Variants in THRB observed in about 807,000 individuals in gnomAD.
The protein encoded by THRB is thyroid hormone receptor beta.
THRB carries 12 observed loss-of-function variants against 47.8 expected under a neutral mutation model. The ratio of observed to expected loss-of-function variants is 0.25; its 90% CI spans 0.16 to 0.41. THRB has a LOEUF of 0.41. THRB is among the 10% of genes least tolerant of loss of function. The pLI is 1.00. For synonymous variants in THRB, 218 were observed against 212.2 expected (o/e 1.03, Z -0.24); for missense variants, 348 against 589.2 (o/e 0.59, Z 4.24).
intron 1 of THRB, among the ~76,000 whole-genome samples, chr3:24,447,087 A>G (rs1262996127): frequency 1.3e-5 from 2 of 152,170 alleles, no homozygotes; most frequent in Non-Finnish European, 2.9e-5. Flanking sequence ...GTAGATGAAA[A>G]CTATTTAGCA....
intron 2 of THRB, among the ~76,000 whole-genome samples, chr3:24,310,388 T>G (rs2057671226): frequency 1.3e-5 from 2 of 152,202 alleles, no homozygotes; most frequent in Non-Finnish European, 2.9e-5. Flanking sequence ...TTCCCTTTAA[T>G]TCAAAATCTT....
chr3:24,293,587 G>C (rs1397720577), intron 3 of THRB, among the ~76,000 whole-genome samples: 6 of 152,126 alleles, frequency 3.9e-5, no homozygotes, highest in Non-Finnish European at 8.8e-5. Context: ...TTTTTATTCT[G>C]TTACAAAGGT....
chr3:24,229,075 A>G, intron 3 of THRB, 74 bp from the exon 4 acceptor site: 2 of 896,426 alleles, frequency 2.2e-6, no homozygotes, highest in Non-Finnish European at 1.9e-6. Flanking sequence ...TCCAAACAAT[A>G]TCATATGCAT....
chr3:24,477,442 C>A (rs1219017972), intron 1 of THRB, among the ~76,000 whole-genome samples: 1 of 152,072 alleles, frequency 6.6e-6, no homozygotes, highest in African/African-American at 2.4e-5. Context: ...GCAAATGAAT[C>A]CCCTGGGGAC....
At chr3:24,358,492 A>C (rs1577078353) in intron 1 of THRB, among the ~76,000 whole-genome samples, 2 of 152,288 alleles carry the variant, frequency 1.3e-5, no homozygotes, top group South Asian at 4.1e-4. Flanking sequence ...TTTTTCCCAA[A>C]TAGCCCATTG....
At chr3:24,240,543 A>T (rs1163577013) in intron 3 of THRB, among the ~76,000 whole-genome samples, 1 of 152,178 alleles carries the variant, frequency 6.6e-6, no homozygotes, top group African/African-American at 2.4e-5. Context: ...TGAGCACAAG[A>T]TGTTCACCAT....
intron 1 of THRB, among the ~76,000 whole-genome samples, chr3:24,408,844 T>TA (rs1453052529): frequency 2.6e-5 from 4 of 151,670 alleles, no homozygotes; most frequent in Admixed American, 1.3e-4. Flanking sequence ...CATAAAAAAA[T>TA]AAAAATGGTG....
chr3:24,218,579 T>C (rs1358424039), intron 4 of THRB, among the ~76,000 whole-genome samples: 3 of 151,872 alleles, frequency 2.0e-5, no homozygotes, highest in African/African-American at 7.3e-5. Context: ...GTAATTCTGT[T>C]GGCTGTTTTC....
At chr3:24,265,000 C>T (rs1424560048) in intron 3 of THRB, among the ~76,000 whole-genome samples, 4 of 152,018 alleles carry the variant, frequency 2.6e-5, no homozygotes, top group Admixed American at 1.3e-4. Context: ...GAAAATAAAG[C>T]AGAGTAATTA....
chr3:24,462,451 ACTC>A (rs2073790418), intron 1 of THRB, among the ~76,000 whole-genome samples: 1 of 152,342 alleles, frequency 6.6e-6, no homozygotes, highest in African/African-American at 2.4e-5. Flanking sequence ...TGGTTCTATT[ACTC>A]ACGGCATTTC....
At chr3:24,443,879 C>T (rs1223673047) in intron 1 of THRB, among the ~76,000 whole-genome samples, 1 of 152,086 alleles carries the variant, frequency 6.6e-6, no homozygotes, top group Non-Finnish European at 1.5e-5. Context: ...CTTAATGTTA[C>T]ACAATTCTAA....
intron 3 of THRB, among the ~76,000 whole-genome samples, chr3:24,245,730 T>C (rs962952243): frequency 6.6e-6 from 1 of 152,104 alleles, no homozygotes; most frequent in African/African-American, 2.4e-5. Flanking sequence ...CTGGCCAATA[T>C]GGTGAAACCC....
chr3:24,378,012 G>T (rs1268860874), intron 1 of THRB, among the ~76,000 whole-genome samples: 1 of 152,172 alleles, frequency 6.6e-6, no homozygotes, highest in South Asian at 2.1e-4. Context: ...GTCCCAATTT[G>T]CTGATTCTTT....
intron 1 of THRB, among the ~76,000 whole-genome samples, chr3:24,448,866 G>A (rs1194959927): frequency 6.6e-6 from 1 of 152,192 alleles, no homozygotes. Flanking sequence ...AGATGACAGG[G>A]AAGGACTCTA....
At chr3:24,235,995 C>G (rs1386980132) in intron 3 of THRB, among the ~76,000 whole-genome samples, 2 of 152,166 alleles carry the variant, frequency 1.3e-5, no homozygotes, top group African/African-American at 4.8e-5. Context: ...AGCCTTCCCA[C>G]AGCTCTGTCT....
At chr3:24,139,074 T>C (rs567785213) in intron 8 of THRB, among the ~76,000 whole-genome samples, 1 of 152,332 alleles carries the variant, frequency 6.6e-6, no homozygotes, top group South Asian at 2.1e-4. Flanking sequence ...ATGCTGCTTG[T>C]TCTCTTCTCA....
intron 3 of THRB, among the ~76,000 whole-genome samples, chr3:24,287,667 C>CT: frequency 6.6e-6 from 1 of 152,280 alleles, no homozygotes; most frequent in African/African-American, 2.4e-5. Context: ...GTTTGAGAAT[C>CT]TTTATTATGA....
intron 1 of THRB, among the ~76,000 whole-genome samples, chr3:24,416,748 C>T (rs902873828): frequency 1.3e-5 from 2 of 151,802 alleles, no homozygotes; most frequent in African/African-American, 4.8e-5. Context: ...ATCAGAGTCA[C>T]TTTGGGCTGC....
At chr3:24,275,351 C>A (rs1168147364) in intron 3 of THRB, among the ~76,000 whole-genome samples, 1 of 152,210 alleles carries the variant, frequency 6.6e-6, no homozygotes, top group East Asian at 1.9e-4. Context: ...TGGGTCCCAC[C>A]TTCTTCATCT....
Sources: allele counts gnomAD v4.1 joint callset (sites outside exome capture counted in the v4.1 genomes callset), GRCh38; gene constraint gnomAD v4.1.1; transcripts MANE v1.5; gene names NCBI Gene and HGNC (gene_info 2026-07-23, HGNC 2026-07-21).